PDE8B: variants seen among roughly 807,000 people sequenced by gnomAD.
The protein encoded by PDE8B is high affinity cAMP-specific and IBMX-insensitive 3',5'-cyclic phosphodiesterase 8B.
In PDE8B, 26 loss-of-function variants were observed where a neutral mutation model predicts 101.3. That is an observed-to-expected ratio of 0.26 (90% CI 0.19 to 0.36). PDE8B has a LOEUF of 0.36. Ranked by LOEUF, PDE8B falls within the 10% of genes least tolerant of loss-of-function variation. The probability of loss-of-function intolerance (pLI) is 1.00; values close to 1 mark genes in which losing one functional copy is unlikely to be tolerated. For missense variants in PDE8B, 810 were observed against 1,163.1 expected, an observed-to-expected ratio of 0.70 and a Z score of 4.42; for synonymous variants, 424 against 429.3, an observed-to-expected ratio of 0.99 and a Z score of 0.15.
rs764073050 is a variant in PDE8B, at chr5:77,407,399, G to A, written c.1307G>A (p.Arg436His). 20 of 1,613,936 alleles carry A rather than the reference G, an allele frequency of 1.2e-5. No homozygotes were observed. The highest frequency in any genetic ancestry group is 4.0e-5 in the African/African-American group (3 of 74,930). Reference sequence around the variant, plus strand: ...TCTCCAGCACCAAGCCTGCAGAATCGTCGCTATCCGTCCATGGCGAGGATC... The same window carrying A: ...TCTCCAGCACCAAGCCTGCAGAATCATCGCTATCCGTCCATGGCGAGGATC... The part of the protein sequence containing the change: ...RGSDAPSLQN[R>H]RYPSMARIHS... Residue 436 changes from arginine (R) to histidine (H), a missense_variant, in exon 13 of 22, where the codon CGT becomes CAT. Transcript: ENST00000264917.
At chr5:77,400,122 A>G (rs1015470650) in intron 10 of PDE8B, 126 bp from the exon 11 acceptor site, 9 of 726,972 alleles carry the variant, frequency 1.2e-5, no homozygotes, top group Non-Finnish European at 2.0e-5. Context: ...TGTTCATATT[A>G]TATGTGCAGC....
At chr5:77,205,588 G>A (rs552572149), upstream of PDE8B, among the ~76,000 whole-genome samples, 8 of 152,148 alleles carry the variant, frequency 5.3e-5, no homozygotes, top group South Asian at 1.7e-3. Flanking sequence ...AAAAATCAAT[G>A]GAAATCCATA....
chr5:77,381,901 T>C (rs1787546242), intron 10 of PDE8B, among the ~76,000 whole-genome samples: 1 of 152,196 alleles, frequency 6.6e-6, no homozygotes, highest in African/African-American at 2.4e-5. Flanking sequence ...AATTCCCTAG[T>C]TATGGTTTGA....
At chr5:77,238,869 G>T (rs1413832460) in intron 1 of PDE8B, among the ~76,000 whole-genome samples, 1 of 152,210 alleles carries the variant, frequency 6.6e-6, no homozygotes, top group African/African-American at 2.4e-5. Flanking sequence ...GAATGAATTT[G>T]CCCTTCTTCT....
At chr5:77,286,366 C>G (rs1766016927) in intron 1 of PDE8B, among the ~76,000 whole-genome samples, 1 of 152,210 alleles carries the variant, frequency 6.6e-6, no homozygotes, top group Non-Finnish European at 1.5e-5. Flanking sequence ...TCTCTAGTAA[C>G]TCTGGTTGCC....
At chr5:77,248,196 T>C (rs1457423947) in intron 1 of PDE8B, among the ~76,000 whole-genome samples, 1 of 152,216 alleles carries the variant, frequency 6.6e-6, no homozygotes. Context: ...TTAACTGGAC[T>C]GCAAGCTCGA....
Position 77,291,003 on chromosome 5 carries a change from G to A in PDE8B, c.340-20991G>A, listed in dbSNP as rs564006107. ...ACGAGTGAACCTGCTGTCCTTCACCGGGAGCACTCAGGTGGGAAAACAGAT... is the reference window on the plus strand; with the variant it reads ...ACGAGTGAACCTGCTGTCCTTCACCAGGAGCACTCAGGTGGGAAAACAGAT... On this transcript the variant is annotated intron_variant, in intron 1 of 21. Coordinates refer to ENST00000264917, the MANE Select transcript of PDE8B (RefSeq NM_003719.5). 27 of 1,612,116 alleles carry A rather than the reference G, an allele frequency of 1.7e-5. No individual in the cohort carries two copies. In the East Asian group the frequency reaches 2.2e-4, roughly 13 times the overall value.
chr5:77,291,742 C>A, intron 1 of PDE8B: 1 of 1,586,892 alleles, frequency 6.3e-7, no homozygotes, highest in Non-Finnish European at 8.6e-7. Context: ...ATGAGAAGGT[C>A]TACTTGTACT....
At chr5:77,178,183 G>A in the PDE8B span, among the ~76,000 whole-genome samples, 1 of 152,140 alleles carries the variant, frequency 6.6e-6, no homozygotes, top group Non-Finnish European at 1.5e-5. Flanking sequence ...TTTATAGATA[G>A]AAGAGGAATT....
At chr5:77,325,482 T>A in intron 2 of PDE8B, 57 bp from the exon 3 acceptor site, 1 of 1,535,954 alleles carries the variant, frequency 6.5e-7, no homozygotes, top group Non-Finnish European at 9.0e-7. Flanking sequence ...AGGCTTGTTT[T>A]TAATAGTCTC....
chr5:77,280,584 T>G (rs1283008089), intron 1 of PDE8B, among the ~76,000 whole-genome samples: 2 of 152,198 alleles, frequency 1.3e-5, no homozygotes, highest in Admixed American at 6.5e-5. Flanking sequence ...TTTCCTAATC[T>G]CTTTACTGTT....
chr5:77,425,603 T>A (rs1362464630), intron 20 of PDE8B, among the ~76,000 whole-genome samples, 164 bp from the exon 21 acceptor site: 2 of 152,210 alleles, frequency 1.3e-5, no homozygotes, highest in Non-Finnish European at 2.9e-5. Context: ...GTAGTCAGTG[T>A]AGCTCAGCTG....
chr5:77,128,823 C>G, the PDE8B span, among the ~76,000 whole-genome samples: 4 of 152,140 alleles, frequency 2.6e-5, no homozygotes, highest in African/African-American at 7.2e-5. Context: ...GTCTATTTGC[C>G]TAATCAATGC....
chr5:77,322,962 A>T (rs1775366970), intron 2 of PDE8B, among the ~76,000 whole-genome samples: 1 of 152,250 alleles, frequency 6.6e-6, no homozygotes, highest in South Asian at 2.1e-4. Flanking sequence ...TTAGTCAAAG[A>T]TTGAGGCATA....
chr5:77,108,310 T>G, the PDE8B span, among the ~76,000 whole-genome samples: 1 of 152,238 alleles, frequency 6.6e-6, no homozygotes, highest in Non-Finnish European at 1.5e-5. Flanking sequence ...ATTCTATTCT[T>G]GTTATTTATT....
Position 77,426,697 on chromosome 5 carries a change from G to A in PDE8B, c.*143G>A, listed in dbSNP as rs192234635. Reference sequence around the variant, plus strand: ...TAATATTTGACCTTGAATCATTCAAGTCCCCAAATTTCATTCTTAGAAAGT... The same window carrying A: ...TAATATTTGACCTTGAATCATTCAAATCCCCAAATTTCATTCTTAGAAAGT... On this transcript the variant is annotated 3_prime_UTR_variant, in exon 22 of 22. Coordinates refer to ENST00000264917, the MANE Select transcript of PDE8B (RefSeq NM_003719.5). 2.9e-6 allele frequency: 2 copies of A among 678,618 alleles called. No individual in the cohort carries two copies. Among genetic ancestry groups the A allele is most frequent in the Non-Finnish European group, 5.4e-6 (2 of 369,420 alleles). 42.0% of individuals were successfully genotyped at this position (678,618 alleles called of 1,614,324 possible).
chr5:77,404,860 TAAA>T (rs896574636), intron 12 of PDE8B, 63 bp downstream of exon 12: 1 of 1,074,092 alleles, frequency 9.3e-7, no homozygotes, highest in African/African-American at 1.5e-5. Context: ...AAGAATATGT[TAAA>T]AAATTCATCA....
At chr5:77,372,505 C>A (rs948768376) in intron 10 of PDE8B, among the ~76,000 whole-genome samples, 5 of 152,178 alleles carry the variant, frequency 3.3e-5, no homozygotes, top group Admixed American at 1.3e-4. Context: ...GGTGTTATCA[C>A]TTCCTTAAAT....
intron 1 of PDE8B, among the ~76,000 whole-genome samples, chr5:77,278,685 G>A (rs1213424664): frequency 6.6e-6 from 1 of 152,042 alleles, no homozygotes; most frequent in Non-Finnish European, 1.5e-5. Context: ...TAGCCAGGAT[G>A]GTCTCGATCT....
Sources: gnomAD v4.1 joint callset for allele counts (sites outside exome capture counted in the v4.1 genomes callset) on GRCh38, gnomAD v4.1.1 for gene constraint, MANE v1.5 for transcripts, NCBI Gene and HGNC (gene_info 2026-07-23, HGNC 2026-07-21) for gene names.